Variants in SLC38A1 observed in about 807,000 individuals in gnomAD.
SLC38A1 encodes sodium-coupled neutral amino acid symporter 1.
In SLC38A1, 18 loss-of-function variants were observed where a neutral mutation model predicts 60.3. The ratio of observed to expected loss-of-function variants is 0.30; its 90% CI spans 0.21 to 0.44. SLC38A1 has a LOEUF of 0.44. SLC38A1 is among the 20% of genes least tolerant of loss of function. SLC38A1 has a pLI of 1.00. For synonymous variants in SLC38A1, 196 were observed against 212.1 expected (o/e 0.92, Z 0.66); for missense variants, 448 against 587.2 (o/e 0.76, Z 2.45).
intron 5 of SLC38A1, among the ~76,000 whole-genome samples, chr12:46,223,294 A>C (rs1940730957): frequency 6.6e-6 from 1 of 152,144 alleles, no homozygotes; most frequent in African/African-American, 2.4e-5. Context: ...GTTGGTGGGG[A>C]TTAAGATAGT....
At position 46,183,137 on chromosome 12, in the gene SLC38A1, T is replaced by C. The variant is rs960626237; in HGVS notation, c.*5833A>G. On this transcript the variant is annotated 3_prime_UTR_variant, in exon 17 of 17. Coordinates refer to ENST00000398637, the MANE Select transcript of SLC38A1 (RefSeq NM_030674.4). ...GTTATAGAACAGAACTTCTTATATT[T>C]CTTTATTTACACCACACTCTGAAAA... 5 of 152,490 alleles carry C rather than the reference T, an allele frequency of 3.3e-5. No individual in the cohort carries two copies. Among genetic ancestry groups the C allele is most frequent in the African/African-American group, 1.2e-4 (5 of 41,410 alleles). The allele number at this position is 152,490 out of a possible 1,614,324, so 9.4% of individuals were successfully genotyped here. A position where few individuals can be genotyped will look rare whatever the true frequency, so the allele number is the denominator to read the frequency against.
At chr12:46,221,848 C>T (rs1159897605) in intron 5 of SLC38A1, among the ~76,000 whole-genome samples, 1 of 152,144 alleles carries the variant, frequency 6.6e-6, no homozygotes, top group African/African-American at 2.4e-5. Flanking sequence ...GGAAGAGAGA[C>T]CTCCCTTCCA....
chr12:46,194,283 G>A (rs553061367), intron 16 of SLC38A1, among the ~76,000 whole-genome samples: 3 of 152,282 alleles, frequency 2.0e-5, no homozygotes, highest in African/African-American at 7.2e-5. Flanking sequence ...CTGGCTTGTA[G>A]GGTTTCTGCA....
At position 46,239,910 on chromosome 12, in the gene SLC38A1, T is replaced by A; in HGVS notation, c.-93-17A>T. On this transcript the variant is annotated splice_polypyrimidine_tract_variant and intron_variant, in intron 2 of 16. Transcript: ENST00000398637. ...TTGACACCCCTAAAATATAGCAAAATAAAAAAATAACTAAACATATGAAAC... is the reference window on the plus strand; with the variant it reads ...TTGACACCCCTAAAATATAGCAAAAAAAAAAAATAACTAAACATATGAAAC... 5.3e-6 allele frequency: 5 copies of A among 946,136 alleles called. No individual in the cohort carries two copies. The highest frequency in any genetic ancestry group is 1.7e-5 in the African/African-American group (1 of 60,050). The allele number at this position is 946,136 out of a possible 1,614,324, so 58.6% of individuals were successfully genotyped here.
intron 5 of SLC38A1, among the ~76,000 whole-genome samples, chr12:46,226,487 T>C (rs950127358): frequency 3.3e-5 from 5 of 151,754 alleles, no homozygotes; most frequent in African/African-American, 7.3e-5. Flanking sequence ...TGAAACGTTA[T>C]AGAAATGAAA....
At chr12:46,226,509 A>T (rs1437880181) in intron 5 of SLC38A1, among the ~76,000 whole-genome samples, 1 of 152,150 alleles carries the variant, frequency 6.6e-6, no homozygotes, top group Non-Finnish European at 1.5e-5. Context: ...TAAAGGAAAG[A>T]TTAAAAAAAT....
At chr12:46,220,986 T>G (rs1252248948) in intron 5 of SLC38A1, among the ~76,000 whole-genome samples, 4 of 152,158 alleles carry the variant, frequency 2.6e-5, no homozygotes, top group African/African-American at 9.7e-5. Context: ...TTACTCCTTA[T>G]GTAGGCTCAA....
intron 5 of SLC38A1, among the ~76,000 whole-genome samples, chr12:46,213,116 C>T (rs888071245): frequency 4.6e-5 from 7 of 152,320 alleles, no homozygotes; most frequent in Admixed American, 2.0e-4. Context: ...AGGCTGTGTG[C>T]TGAGATGAAC....
chr12:46,200,538 G>C (rs374697428), intron 13 of SLC38A1, among the ~76,000 whole-genome samples: 3 of 152,228 alleles, frequency 2.0e-5, no homozygotes, highest in Non-Finnish European at 4.4e-5. Flanking sequence ...GTAAACGCCG[G>C]TAAACTGTTC....
At chr12:46,206,198 T>C (rs775451744) in intron 8 of SLC38A1, 36 bp from the exon 9 acceptor site, 3 of 1,379,330 alleles carry the variant, frequency 2.2e-6, no homozygotes, top group Non-Finnish European at 3.0e-6. Flanking sequence ...TATATTTTTT[T>C]AGAAAGTGAC....
In SLC38A1 at chr12:46,197,833, A is replaced by G; in HGVS notation, c.1265-16T>C. ...GATGTAACTCCTGTAAAATAAGACA[A>G]AAGAGAAAGTTTAGCATTGCTATTG... On this transcript the variant is annotated splice_polypyrimidine_tract_variant and intron_variant, in intron 15 of 16. Transcript: ENST00000398637. 2 of 1,597,066 alleles carry G rather than the reference A, an allele frequency of 1.3e-6. No individual in the cohort carries two copies. The highest frequency in any genetic ancestry group is 1.7e-4 in the Middle Eastern group (1 of 6,000).
At chr12:46,258,239 G>A (rs1942094426) in intron 1 of SLC38A1, among the ~76,000 whole-genome samples, 1 of 152,106 alleles carries the variant, frequency 6.6e-6, no homozygotes, top group Admixed American at 6.5e-5. Context: ...ATCTCATTCT[G>A]TGACTTAGAA....
chr12:46,250,254 A>C (rs1941787747), intron 1 of SLC38A1, among the ~76,000 whole-genome samples: 1 of 152,242 alleles, frequency 6.6e-6, no homozygotes, highest in South Asian at 2.1e-4. Flanking sequence ...TTATCTCAAT[A>C]GATGCAGAAA....
chr12:46,223,478 A>ACACC (rs983310100), intron 5 of SLC38A1, among the ~76,000 whole-genome samples: 5 of 150,974 alleles, frequency 3.3e-5, no homozygotes, highest in African/African-American at 1.2e-4. Flanking sequence ...ACACACACAC[A>ACACC]CCCCACTCAT....
At chr12:46,196,194 T>C (rs981826305) in intron 16 of SLC38A1, 5 of 1,535,944 alleles carry the variant, frequency 3.3e-6, no homozygotes, top group Non-Finnish European at 4.4e-6. Flanking sequence ...CTTGAGCATG[T>C]TCAGTGAGAG....
At chr12:46,251,465 C>T (rs1241550477) in intron 1 of SLC38A1, among the ~76,000 whole-genome samples, 1 of 152,124 alleles carries the variant, frequency 6.6e-6, no homozygotes, top group African/African-American at 2.4e-5. Context: ...ACACCAAAAG[C>T]AATGGCAACA....
chr12:46,229,726 C>T, intron 3 of SLC38A1, 87 bp from the exon 4 acceptor site: 1 of 1,127,198 alleles, frequency 8.9e-7, no homozygotes, highest in South Asian at 1.3e-5. Flanking sequence ...CTCATCAAAA[C>T]ATACATGAAC....
intron 1 of SLC38A1, among the ~76,000 whole-genome samples, chr12:46,247,844 A>G (rs1941675706): frequency 1.3e-5 from 2 of 152,250 alleles, no homozygotes; most frequent in Non-Finnish European, 2.9e-5. Context: ...CTCTCAGCAG[A>G]AACTCTACAA....
rs575636783 is a variant in SLC38A1 at position 46,241,151 on chromosome 12, T to G, written c.-93-1258A>C. On this transcript the variant is annotated intron_variant, in intron 2 of 16. Transcript: ENST00000398637. ...ATCAAGCAGAATGTCAATGAGCTGGTTTTTTTTAAAAAAAATGTCATTAGC... is the reference window on the plus strand; with the variant it reads ...ATCAAGCAGAATGTCAATGAGCTGGGTTTTTTTAAAAAAAATGTCATTAGC... 2.2e-3 allele frequency among the ~76,000 whole-genome samples: 335 copies of G among 152,048 alleles called. 2 individuals carry two copies. The highest frequency in any genetic ancestry group is 7.0e-3 in the African/African-American group (292 of 41,462).
Sources: gnomAD v4.1 joint callset for allele counts (sites outside exome capture counted in the v4.1 genomes callset) on GRCh38, gnomAD v4.1.1 for gene constraint, MANE v1.5 for transcripts, NCBI Gene and HGNC (gene_info 2026-07-23, HGNC 2026-07-21) for gene names.